The following HDAC3 variants were observed in gnomAD, a reference collection of about 807,000 sequenced individuals.
HDAC3 encodes histone deacetylase 3.
HDAC3 carries 21 observed loss-of-function variants against 62.3 expected under a neutral mutation model. That is an observed-to-expected ratio of 0.34 (90% CI 0.24 to 0.49). HDAC3 has a LOEUF of 0.49. HDAC3 is among the 20% of genes least tolerant of loss of function. The pLI is 0.99. For missense variants in HDAC3, 270 were observed against 556.9 expected (o/e 0.48, Z 5.19); for synonymous variants, 198 against 206.5 (o/e 0.96, Z 0.35).
rs2099904503 is a variant in HDAC3 at position 141,626,819 on chromosome 5, C to A, written c.831-536G>T. On this transcript the variant is annotated intron_variant, in intron 10 of 14. Transcript: ENST00000305264. This position sits in a 1 kb window ranked among gnomAD's most constrained non-coding sequence, Gnocchi z 4.6. ...ATATATACACACACACACACACACACCTCTCAGATCATCTACTTCTCTCCA... is the reference window on the plus strand; with the variant it reads ...ATATATACACACACACACACACACAACTCTCAGATCATCTACTTCTCTCCA... Among the ~76,000 whole-genome samples the A allele has an allele frequency of 7.0e-6, 1 of 142,296 alleles. No individual in the cohort carries two copies. The highest frequency in any genetic ancestry group is 1.5e-5 in the Non-Finnish European group (1 of 65,676). The allele number at this position is 142,296 out of a possible 152,430, so 93.4% of individuals were successfully genotyped here. A position where few individuals can be genotyped will look rare whatever the true frequency, so the allele number is the denominator to read the frequency against.
rs1019104473 is a variant in HDAC3 at position 141,628,017 on chromosome 5, T to C, written c.766-60A>G. 6 of 1,603,408 alleles carry C rather than the reference T, an allele frequency of 3.7e-6. No homozygotes were observed. The highest frequency in any genetic ancestry group is 1.7e-5 in the Admixed American group (1 of 59,984). On this transcript the variant is annotated intron_variant, in intron 9 of 14. Coordinates refer to ENST00000305264, the MANE Select transcript of HDAC3 (RefSeq NM_003883.4). The surrounding 1 kb of genome is among the most constrained non-coding windows in gnomAD (Gnocchi z 4.7). The stretch of plus-strand genomic sequence containing the variant: ...TCAGAACTGATCAGAACATCACAGA[T>C]ACCCCTTCCACCACCAACCTAAAGA...
chr5:141,625,877 C>A lies in HDAC3; in HGVS notation c.980-113G>T. ...CTACATAATAGCTGCCCAATCTCTT[C>A]CCTGCTCTGAGCCCAGGGGTTTAGT... On this transcript the variant is annotated intron_variant, in intron 12 of 14. Coordinates refer to ENST00000305264, the MANE Select transcript of HDAC3 (RefSeq NM_003883.4). The surrounding 1 kb of genome is among the most constrained non-coding windows in gnomAD (Gnocchi z 4.0). 1 of 1,303,050 alleles carries A rather than the reference C, an allele frequency of 7.7e-7. No homozygotes were observed. The highest frequency in any genetic ancestry group is 1.1e-6 in the Non-Finnish European group (1 of 898,084). The allele number at this position is 1,303,050 out of a possible 1,614,324, so 80.7% of individuals were successfully genotyped here. A position where few individuals can be genotyped will look rare whatever the true frequency, so the allele number is the denominator to read the frequency against.
Position 141,629,737 on chromosome 5 carries a change from G to C in HDAC3, c.423C>G (p.Ala141=). ...GGLHHAKKFE[A]SGFCYVNDIV... Reference sequence around the variant, plus strand: ...TGTCGTTGACATAGCAGAAGCCAGAGGCCTATGGCAAGACAGTGGTCTCAT... The same window carrying C: ...TGTCGTTGACATAGCAGAAGCCAGACGCCTATGGCAAGACAGTGGTCTCAT... The change falls in exon 6 of 15, where the codon GCC becomes GCG. Residue 141 remains alanine, a splice_region_variant and synonymous_variant. Transcript: ENST00000305264. The surrounding 1 kb of genome is among the most constrained non-coding windows in gnomAD (Gnocchi z 5.3). The C allele has an allele frequency of 1.2e-6, 2 of 1,614,082 alleles. No homozygotes were observed. The highest frequency in any genetic ancestry group is 1.7e-6 in the Non-Finnish European group (2 of 1,179,990).
chr5:141,621,076 A>G lies in HDAC3; in HGVS notation c.*392T>C. On this transcript the variant is annotated 3_prime_UTR_variant, in exon 15 of 15. Transcript: ENST00000305264. ...CATCTTCCCTGGAAGCAAGGGGAGGAAGAAGTCAGAACCCAGGGGAGGAGG... is the reference window on the plus strand; with the variant it reads ...CATCTTCCCTGGAAGCAAGGGGAGGGAGAAGTCAGAACCCAGGGGAGGAGG... 1 of 212,438 alleles carries G rather than the reference A, an allele frequency of 4.7e-6. No homozygotes were observed. The highest frequency in any genetic ancestry group is 9.4e-6 in the Non-Finnish European group (1 of 105,908). 13.2% of individuals were successfully genotyped at this position (212,438 alleles called of 1,614,324 possible).
Position 141,630,023 on chromosome 5 carries a change from C to T in HDAC3, c.363+21G>A, listed in dbSNP as rs750577879. 1.3e-5 allele frequency: 21 copies of T among 1,613,914 alleles called. No homozygotes were observed. In the South Asian group the frequency reaches 2.0e-4, roughly 15 times the overall value. ...CCAGGGATCCAGAGGAAAGGAAGAA[C>T]AGGACTCGGGACTATGTCACCTTGT... On this transcript the variant is annotated intron_variant, in intron 4 of 14. Coordinates refer to ENST00000305264, the MANE Select transcript of HDAC3 (RefSeq NM_003883.4).
Position 141,629,149 on chromosome 5 carries a change from G to C in HDAC3, c.610+24C>G. On this transcript the variant is annotated intron_variant, in intron 7 of 14. Transcript: ENST00000305264. This position sits in a 1 kb window ranked among gnomAD's most constrained non-coding sequence, Gnocchi z 5.3. ...AGTAAAGAGCTGAAGGGTGCAAAGG[G>C]GAAAGTAATCCCTATTCCCATACCT... 6.2e-7 allele frequency: 1 copy of C among 1,613,620 alleles called. No homozygotes were observed. The highest frequency in any genetic ancestry group is 8.5e-7 in the Non-Finnish European group (1 of 1,179,746).
chr5:141,636,696 T>A, intron 1 of HDAC3, 40 bp downstream of exon 1: 2 of 1,613,236 alleles, frequency 1.2e-6, no homozygotes, highest in Non-Finnish European at 1.7e-6. Flanking sequence ...CCTCAAAACC[T>A]CCGTGTCCCA....
At chr5:141,627,820 A>G (rs2099904656) in intron 10 of HDAC3, 73 bp downstream of exon 10, 2 of 1,334,606 alleles carry the variant, frequency 1.5e-6, no homozygotes, top group Non-Finnish European at 2.2e-6. Flanking sequence ...CCATTCCCCA[A>G]CTACCCCCAC....
intron 3 of HDAC3, among the ~76,000 whole-genome samples, chr5:141,633,800 T>C (rs749138583): frequency 1.9e-4 from 24 of 128,814 alleles, no homozygotes; most frequent in Non-Finnish European, 2.9e-4. Context: ...CACTCCAGCC[T>C]GGGCTACAGA....
rs1384019424 is a variant in HDAC3 at position 141,629,582 on chromosome 5, A to G, written c.476+102T>C. 8.5e-7 allele frequency: 1 copy of G among 1,180,002 alleles called. No individual in the cohort carries two copies. The highest frequency in any genetic ancestry group is 1.2e-6 in the Non-Finnish European group (1 of 809,482). 73.1% of individuals were successfully genotyped at this position (1,180,002 alleles called of 1,614,324 possible). A position where few individuals can be genotyped will look rare whatever the true frequency, so the allele number is the denominator to read the frequency against. On this transcript the variant is annotated intron_variant, in intron 6 of 14. Transcript: ENST00000305264. The surrounding 1 kb of genome is among the most constrained non-coding windows in gnomAD (Gnocchi z 5.3). ...GAATAAAGCATCAAGAACTTGGGAG[A>G]AGCTAATCAGGGAGGAGGGAGGTCA... is the stretch of plus-strand genomic sequence containing the variant.
chr5:141,623,350 C>A (rs1488234112), intron 14 of HDAC3, among the ~76,000 whole-genome samples: 1 of 152,006 alleles, frequency 6.6e-6, no homozygotes, highest in Non-Finnish European at 1.5e-5. Context: ...CTATAGGCAT[C>A]AAAGAAGAAC....
In HDAC3 at chr5:141,621,660, T is replaced by C. The variant is rs565352979; in HGVS notation, c.1218-123A>G. ...CACTCCTCCTCTTGTTGGTAGAGAC[T>C]GCTATTCATTCACCCATTCACGTAT... On this transcript the variant is annotated intron_variant, in intron 14 of 14. Transcript: ENST00000305264. 7 of 714,114 alleles carry C rather than the reference T, an allele frequency of 9.8e-6. No individual in the cohort carries two copies. In the Admixed American group the frequency reaches 1.2e-4, roughly 12 times the overall value. The allele number at this position is 714,114 out of a possible 1,614,324, so 44.2% of individuals were successfully genotyped here.
At chr5:141,631,367 A>G (rs1031233139) in intron 3 of HDAC3, among the ~76,000 whole-genome samples, 2 of 152,240 alleles carry the variant, frequency 1.3e-5, no homozygotes, top group South Asian at 4.1e-4. Context: ...TAAGCAAATG[A>G]AAAAATAATG....
In HDAC3 at chr5:141,625,644, T is replaced by C; in HGVS notation, c.1059+41A>G. The C allele has an allele frequency of 6.3e-7, 1 of 1,583,060 alleles. No individual in the cohort carries two copies. ...TCTTTGACCTCTCCTGGGCTCCACC[T>C]TTCAGGAGAAGTTTGTGCTCAGCTT... On this transcript the variant is annotated intron_variant, in intron 13 of 14. Coordinates refer to ENST00000305264, the MANE Select transcript of HDAC3 (RefSeq NM_003883.4). This position sits in a 1 kb window ranked among gnomAD's most constrained non-coding sequence, Gnocchi z 4.0.
Position 141,626,780 on chromosome 5 carries a change from GTGTGTATA to G in HDAC3, c.831-505_831-498del, listed in dbSNP as rs540120327. Among the ~76,000 whole-genome samples the G allele has an allele frequency of 0.019, 2,535 of 131,272 alleles. 48 individuals are homozygous for G. Among genetic ancestry groups the G allele is most frequent in the Non-Finnish European group, 0.029 (1,805 of 62,036 alleles). 86.1% of individuals were successfully genotyped at this position (131,272 alleles called of 152,430 possible). A position where few individuals can be genotyped will look rare whatever the true frequency, so the allele number is the denominator to read the frequency against. On this transcript the variant is annotated intron_variant, in intron 10 of 14. Transcript: ENST00000305264. This position sits in a 1 kb window ranked among gnomAD's most constrained non-coding sequence, Gnocchi z 4.6. ...AAAAAACATATATATGTGTGTGTGT[GTGTGTATA>G]TATATATATATACACACACACACAC...
chr5:141,624,950 T>C (rs2099904258), intron 14 of HDAC3: 1 of 416,702 alleles, frequency 2.4e-6, no homozygotes, highest in South Asian at 3.5e-5. Context: ...ATAAAAACTA[T>C]TAACAGTGGT....
In HDAC3 at chr5:141,625,650, G is replaced by T. The variant is rs754960636; in HGVS notation, c.1059+35C>A. On this transcript the variant is annotated intron_variant, in intron 13 of 14. Coordinates refer to ENST00000305264, the MANE Select transcript of HDAC3 (RefSeq NM_003883.4). The surrounding 1 kb of genome is among the most constrained non-coding windows in gnomAD (Gnocchi z 4.0). ...ACCTCTCCTGGGCTCCACCTTTCAG[G>T]AGAAGTTTGTGCTCAGCTTTTCTGA... 2.5e-6 allele frequency: 4 copies of T among 1,597,144 alleles called. No individual in the cohort carries two copies. The Admixed American group carries it at 6.7e-5, about 27-fold the overall frequency.
chr5:141,628,718 G>A lies in HDAC3; in HGVS notation c.611-79C>T. 1 of 1,013,060 alleles carries A rather than the reference G, an allele frequency of 9.9e-7. No homozygotes were observed. The highest frequency in any genetic ancestry group is 1.5e-6 in the Non-Finnish European group (1 of 650,272). 62.8% of individuals were successfully genotyped at this position (1,013,060 alleles called of 1,614,324 possible). ...TGTTTCAGCCCCAATCTGCACTCTG[G>A]GAGCCTCTCATTCCATCTATGTAGC... On this transcript the variant is annotated intron_variant, in intron 7 of 14. Transcript: ENST00000305264. This position sits in a 1 kb window ranked among gnomAD's most constrained non-coding sequence, Gnocchi z 4.7.
Position 141,629,995 on chromosome 5 carries a change from AG to A in HDAC3, c.363+48del, listed in dbSNP as rs775497588. The A allele has an allele frequency of 6.2e-7, 1 of 1,612,172 alleles. No homozygotes were observed. The highest frequency in any genetic ancestry group is 8.5e-7 in the Non-Finnish European group (1 of 1,178,186). Reference sequence around the variant, plus strand: ...AGCCCAGGATCAGGGTTAAATCCCGAGTCCAGGGATCCAGAGGAAAGGAAGA... The same window carrying A: ...AGCCCAGGATCAGGGTTAAATCCCGATCCAGGGATCCAGAGGAAAGGAAGA... On this transcript the variant is annotated intron_variant, in intron 4 of 14. Coordinates refer to ENST00000305264, the MANE Select transcript of HDAC3 (RefSeq NM_003883.4). This position sits in a 1 kb window ranked among gnomAD's most constrained non-coding sequence, Gnocchi z 5.3.
Sources: gnomAD v4.1 joint callset for allele counts (sites outside exome capture counted in the v4.1 genomes callset) on GRCh38, gnomAD v4.1.1 for gene constraint, Gnocchi (gnomAD v3.1) non-coding constraint, MANE v1.5 for transcripts, NCBI Gene and HGNC (gene_info 2026-07-23, HGNC 2026-07-21) for gene names.